SLC5A10: variants seen among roughly 807,000 people sequenced by gnomAD.
SLC5A10 encodes the protein sodium/mannose cotransporter SLC5A10.
Under a neutral mutation model 68.9 loss-of-function variants are expected in SLC5A10, and 55 were observed. The observed-to-expected ratio is 0.80, with a 90% confidence interval of 0.64 to 1.00. The LOEUF (loss-of-function observed/expected upper bound fraction) is 1.00. Ranked by LOEUF, SLC5A10 falls within the 50% of genes least tolerant of loss-of-function variation. The pLI, the probability that SLC5A10 is intolerant of heterozygous loss-of-function variation, is 0.00. For synonymous variants in SLC5A10, 344 were observed against 344.8 expected (o/e 1.00, Z 0.02); for missense variants, 732 against 819.3 (o/e 0.89, Z 1.30).
intron 9 of SLC5A10, among the ~76,000 whole-genome samples, chr17:18,993,419 C>T (rs1360592857): frequency 6.6e-6 from 1 of 152,180 alleles, no homozygotes; most frequent in African/African-American, 2.4e-5. Context: ...AGGACTGAGT[C>T]GCAAGACTCG....
chr17:18,955,592 AGCATGG>A (rs2042482012), intron 1 of SLC5A10, among the ~76,000 whole-genome samples: 1 of 152,270 alleles, frequency 6.6e-6, no homozygotes, highest in Non-Finnish European at 1.5e-5. Context: ...GTTAGGAAAA[AGCATGG>A]GCTGTAAACA....
intron 9 of SLC5A10, chr17:18,977,215 C>T (rs1726846220): frequency 1.6e-6 from 1 of 635,246 alleles, no homozygotes; most frequent in African/African-American, 1.8e-5. Context: ...GACCTCAAGG[C>T]TGTAAATGAA....
Position 18,996,619 on chromosome 17 carries a change from C to A in SLC5A10, c.983-16791C>A, listed in dbSNP as rs1414780729. On this transcript the variant is annotated intron_variant, in intron 9 of 14. Coordinates refer to ENST00000395645, the MANE Select transcript of SLC5A10 (RefSeq NM_001042450.4). The surrounding 1 kb of genome is among the most constrained non-coding windows in gnomAD (Gnocchi z 4.4). ...ACTTGGTAACAAATGCTGACCCCAG[C>A]CAGAGCAAGGATAATTAGGCCAACC... is the stretch of plus-strand genomic sequence containing the variant. Among the ~76,000 whole-genome samples, 1 of 152,090 alleles carries A rather than the reference C, an allele frequency of 6.6e-6. No individual in the cohort carries two copies. Among genetic ancestry groups the A allele is most frequent in the Non-Finnish European group, 1.5e-5 (1 of 68,018 alleles).
intron 5 of SLC5A10, among the ~76,000 whole-genome samples, chr17:18,966,337 G>A (rs1443735537): frequency 1.3e-5 from 2 of 152,168 alleles, no homozygotes; most frequent in African/African-American, 2.4e-5. Context: ...CCTGTGCCCT[G>A]GGAGTGGCCC....
chr17:18,999,250 C>A (rs59968024), intron 9 of SLC5A10, among the ~76,000 whole-genome samples: 72 of 152,126 alleles, frequency 4.7e-4, no homozygotes, highest in African/African-American at 1.7e-3. Context: ...TGCACTCCAG[C>A]CTGGGCGACA....
chr17:18,971,694 C>T lies in SLC5A10; in HGVS notation c.846+476C>T, dbSNP rs202158023. 2,688 of 1,605,304 alleles carry T rather than the reference C, an allele frequency of 1.7e-3. 46 individuals carry two copies. In the South Asian group the frequency reaches 0.024, roughly 15 times the overall value. On this transcript the variant is annotated intron_variant, in intron 8 of 14. Transcript: ENST00000395645. The surrounding 1 kb of genome is among the most constrained non-coding windows in gnomAD (Gnocchi z 5.5). ...CGGTACCTAGGGGGTCCTGGGAAGC[C>T]GTCTTTATCCCTAGTCCCTGAGGCA...
At chr17:18,974,686 A>G (rs2042936390) in intron 8 of SLC5A10, among the ~76,000 whole-genome samples, 2 of 152,206 alleles carry the variant, frequency 1.3e-5, no homozygotes, top group African/African-American at 4.8e-5. Flanking sequence ...GAGAACTCAC[A>G]TTCACCGGAG....
rs540562358 is a variant in SLC5A10 at position 18,996,398 on chromosome 17, G to A, written c.983-17012G>A. ...CCTCCAGGGGGCTGGCAGAATTAGT[G>A]ACATGCCATCTGAAGAGGCCCAAGA... On this transcript the variant is annotated intron_variant, in intron 9 of 14. Coordinates refer to ENST00000395645, the MANE Select transcript of SLC5A10 (RefSeq NM_001042450.4). The surrounding 1 kb of genome is among the most constrained non-coding windows in gnomAD (Gnocchi z 4.4). Among the ~76,000 whole-genome samples the A allele has an allele frequency of 6.6e-6, 1 of 152,172 alleles. No individual in the cohort carries two copies. Among genetic ancestry groups the A allele is most frequent in the South Asian group, 2.1e-4 (1 of 4,804 alleles).
chr17:19,013,781 C>T (rs1394542217), intron 10 of SLC5A10, among the ~76,000 whole-genome samples: 2 of 151,662 alleles, frequency 1.3e-5, no homozygotes, highest in African/African-American at 2.4e-5. Context: ...CCACCTTGGG[C>T]CTTCGCTTTT....
At chr17:18,977,252 T>G (rs946592498) in intron 9 of SLC5A10, 3 of 592,000 alleles carry the variant, frequency 5.1e-6, no homozygotes, top group Non-Finnish European at 8.8e-6. Flanking sequence ...CTTTTCCTCA[T>G]CTGCAAACTA....
At position 19,011,036 on chromosome 17, in the gene SLC5A10, GTTCCCAGAAAGTCTC is replaced by G. The variant is rs1350180941; in HGVS notation, c.983-2370_983-2356del. 2.0e-5 allele frequency among the ~76,000 whole-genome samples: 3 copies of G among 152,258 alleles called. No homozygotes were observed. In the East Asian group the frequency reaches 5.8e-4, roughly 29 times the overall value. The stretch of plus-strand genomic sequence containing the variant: ...TCACTTATTCATTCATTCAATCAGT[GTTCCCAGAAAGTCTC>G]TTCTGGGCCCGGCCCTGGACCAGGC... On this transcript the variant is annotated intron_variant, in intron 9 of 14. Coordinates refer to ENST00000395645, the MANE Select transcript of SLC5A10 (RefSeq NM_001042450.4).
In SLC5A10 at chr17:19,003,451, T is replaced by G; in HGVS notation, c.983-9959T>G. 7.6e-6 allele frequency: 11 copies of G among 1,453,024 alleles called. No homozygotes were observed. The highest frequency in any genetic ancestry group is 1.0e-5 in the Non-Finnish European group (11 of 1,098,112). The allele number at this position is 1,453,024 out of a possible 1,614,324, so 90.0% of individuals were successfully genotyped here. On this transcript the variant is annotated intron_variant, in intron 9 of 14. Transcript: ENST00000395645. The surrounding 1 kb of genome is among the most constrained non-coding windows in gnomAD (Gnocchi z 4.5). Reference sequence around the variant, plus strand: ...TTGGGCTCCCGTTTTGGGCTCTGAGTGAGCCTGTATTGAGAGGGGTCCGGT... The same window carrying G: ...TTGGGCTCCCGTTTTGGGCTCTGAGGGAGCCTGTATTGAGAGGGGTCCGGT...
At chr17:18,972,912 A>G (rs1373014528) in intron 8 of SLC5A10, among the ~76,000 whole-genome samples, 1 of 151,812 alleles carries the variant, frequency 6.6e-6, no homozygotes, top group Non-Finnish European at 1.5e-5. Context: ...GAGCTATCAG[A>G]AGCTCTGGAA....
In SLC5A10 at chr17:19,019,429, C is replaced by T. The variant is rs1221996360; in HGVS notation, c.1248C>T (p.Val416=). Residue 416 remains valine (V), a synonymous_variant, in exon 12 of 15, where the codon GTC becomes GTT. Transcript: ENST00000395645. The part of the protein sequence containing the change: ...ERELLLVGRL[V]IVALIGVSVA... ...GCCTTCCACTCGCCTGCAGGCTGGT[C>T]ATAGTGGCACTCATCGGCGTGAGTG... 6.2e-7 allele frequency: 1 copy of T among 1,610,008 alleles called. No individual in the cohort carries two copies. The highest frequency in any genetic ancestry group is 1.1e-5 in the South Asian group (1 of 90,992).
chr17:18,988,723 C>G (rs2043331733), intron 9 of SLC5A10, among the ~76,000 whole-genome samples: 1 of 152,260 alleles, frequency 6.6e-6, no homozygotes, highest in Non-Finnish European at 1.5e-5. Flanking sequence ...CCTGATGTGT[C>G]AATGACCGGA....
rs1383030586 is a variant in SLC5A10 at position 19,000,174 on chromosome 17, AG to A, written c.983-13232del. On this transcript the variant is annotated intron_variant, in intron 9 of 14. Transcript: ENST00000395645. The surrounding 1 kb of genome is among the most constrained non-coding windows in gnomAD (Gnocchi z 5.2). ...AAATCATGGCTCCTGGGGCTAGGGG[AG>A]GGGCAGGCAGTTGACCTTCCATCTT... is the stretch of plus-strand genomic sequence containing the variant. Among the ~76,000 whole-genome samples, 2 of 151,902 alleles carry A rather than the reference AG, an allele frequency of 1.3e-5. No homozygotes were observed. Among genetic ancestry groups the A allele is most frequent in the African/African-American group, 4.8e-5 (2 of 41,306 alleles).
At chr17:18,959,412 C>T (rs902346670) in intron 3 of SLC5A10, among the ~76,000 whole-genome samples, 173 bp downstream of exon 3, 6 of 152,212 alleles carry the variant, frequency 3.9e-5, no homozygotes, top group East Asian at 1.9e-4. Context: ...CTGGATGGCA[C>T]GACTGGCAGG....
chr17:19,007,193 A>ATT (rs36006919), intron 9 of SLC5A10, among the ~76,000 whole-genome samples: 2,356 of 133,626 alleles, frequency 0.018, 45 homozygotes, highest in Non-Finnish European at 0.025. Context: ...TGTTACCGCT[A>ATT]TTTTTTTTTT....
intron 8 of SLC5A10, among the ~76,000 whole-genome samples, chr17:18,972,593 T>G (rs1201317848): frequency 2.0e-5 from 3 of 152,106 alleles, no homozygotes; most frequent in African/African-American, 7.2e-5. Flanking sequence ...CCGGGGGCGG[T>G]GGCTCAAGCC....
Sources: gnomAD v4.1 joint callset for allele counts (sites outside exome capture counted in the v4.1 genomes callset) on GRCh38, gnomAD v4.1.1 for gene constraint, Gnocchi (gnomAD v3.1) non-coding constraint, MANE v1.5 for transcripts, NCBI Gene and HGNC (gene_info 2026-07-23, HGNC 2026-07-21) for gene names.